Variants in CD72 observed in about 807,000 individuals in gnomAD.
CD72 encodes the protein B-cell differentiation antigen CD72.
CD72 carries 28 observed loss-of-function variants against 50.7 expected under a neutral mutation model. That is an observed-to-expected ratio of 0.55 (90% CI 0.41 to 0.76). CD72 has a LOEUF of 0.76. Among genes scored for constraint, CD72 ranks in the 30% least tolerant of loss-of-function variants. The pLI is 0.00. For missense variants in CD72, 403 were observed against 420.6 expected (o/e 0.96, Z 0.37); for synonymous variants, 176 against 171.2 (o/e 1.03, Z -0.22).
At chr9:35,618,938 C>G, upstream of CD72, 1 of 359,638 alleles carries the variant, frequency 2.8e-6, no homozygotes, top group Non-Finnish European at 5.4e-6. Flanking sequence ...AGCACTGCCC[C>G]CCATGCACCC....
Position 35,615,942 on chromosome 9 carries a change from C to CCG in CD72, c.688_688+1insCG (p.Asp230AlafsTer10). The CCG allele has an allele frequency of 6.2e-7, 1 of 1,611,446 alleles. No individual in the cohort carries two copies. The highest frequency in any genetic ancestry group is 8.5e-7 in the Non-Finnish European group (1 of 1,178,474). On this transcript the variant is annotated frameshift_variant and splice_region_variant. Coordinates refer to ENST00000259633, the MANE Select transcript of CD72 (RefSeq NM_001782.3). LOFTEE classifies it high-confidence loss of function. ...TTCTCTCCTCTCCCCAGAGCGGATA[C>CCG]CTGCTGAGCCGCATGTGAAGAAGGG... is the stretch of plus-strand genomic sequence containing the variant.
intron 1 of CD72, among the ~76,000 whole-genome samples, chr9:35,633,264 GT>G (rs112670848): frequency 0.037 from 5,036 of 135,566 alleles, 173 homozygotes; most frequent in African/African-American, 0.093. Flanking sequence ...TTTGTTTTTT[GT>G]TTTTTTTTTT....
chr9:35,626,569 A>G (rs2131778459), intron 1 of CD72, among the ~76,000 whole-genome samples: 1 of 152,348 alleles, frequency 6.6e-6, no homozygotes, highest in South Asian at 2.1e-4. Flanking sequence ...ATTGCATGCT[A>G]CAGAGAAATC....
chr9:35,626,750 A>C (rs1823199633), intron 1 of CD72, among the ~76,000 whole-genome samples: 1 of 152,242 alleles, frequency 6.6e-6, no homozygotes. Context: ...TCAGATGATC[A>C]TTAACATTTT....
intron 1 of CD72, among the ~76,000 whole-genome samples, chr9:35,644,491 G>A (rs1452571182): frequency 6.6e-6 from 1 of 150,738 alleles, no homozygotes; most frequent in African/African-American, 2.4e-5. Flanking sequence ...AATTTTAAAA[G>A]TTCTATCAAT....
intron 1 of CD72, among the ~76,000 whole-genome samples, chr9:35,633,462 T>C (rs1823264535): frequency 6.6e-6 from 1 of 152,188 alleles, no homozygotes; most frequent in Admixed American, 6.5e-5. Flanking sequence ...TGTTACGCTG[T>C]TTTCTCATTT....
chr9:35,627,496 C>T (rs1249366563), intron 1 of CD72, among the ~76,000 whole-genome samples: 5 of 152,038 alleles, frequency 3.3e-5, no homozygotes, highest in African/African-American at 1.2e-4. Flanking sequence ...TGATCTCAAA[C>T]CTGAACCCAC....
At chr9:35,623,781 T>C (rs1417339644), upstream of CD72, among the ~76,000 whole-genome samples, 1 of 152,094 alleles carries the variant, frequency 6.6e-6, no homozygotes, top group Non-Finnish European at 1.5e-5. Flanking sequence ...CTGGGCATAG[T>C]GGTACATGCG....
intron 1 of CD72, among the ~76,000 whole-genome samples, chr9:35,625,567 A>G (rs971298385): frequency 6.6e-6 from 1 of 152,272 alleles, no homozygotes; most frequent in East Asian, 1.9e-4. Context: ...AGGTGGCTAC[A>G]CTAAACAACA....
chr9:35,635,463 T>C (rs1823282052), intron 1 of CD72, among the ~76,000 whole-genome samples: 1 of 152,226 alleles, frequency 6.6e-6, no homozygotes, highest in Admixed American at 6.5e-5. Context: ...GCAATGACTG[T>C]CCTCTCCTTT....
At chr9:35,643,986 AAAACAAAC>A (rs760031923) in intron 1 of CD72, among the ~76,000 whole-genome samples, 2 of 151,894 alleles carry the variant, frequency 1.3e-5, no homozygotes, top group Admixed American at 1.3e-4. Flanking sequence ...ACTCCGTCTC[AAAACAAAC>A]AAACAAACAA....
chr9:35,629,776 T>A (rs1166927962), intron 1 of CD72, among the ~76,000 whole-genome samples: 2 of 152,236 alleles, frequency 1.3e-5, no homozygotes, highest in African/African-American at 4.8e-5. Context: ...CCCACCATGC[T>A]CTGCTGCTAC....
intron 1 of CD72, among the ~76,000 whole-genome samples, chr9:35,632,920 CTTTTTAG>C (rs1823258903): frequency 6.8e-6 from 1 of 146,718 alleles, no homozygotes; most frequent in Non-Finnish European, 1.5e-5. Flanking sequence ...TTTATTTATC[CTTTTTAG>C]TTTTTTTTTT....
chr9:35,630,406 G>GTTT (rs1235058382), intron 1 of CD72, among the ~76,000 whole-genome samples: 3 of 152,212 alleles, frequency 2.0e-5, no homozygotes, highest in Non-Finnish European at 4.4e-5. Context: ...TTAAAAAATA[G>GTTT]TTTTTTCTTT....
rs1203539207 is a variant in CD72 at position 35,615,980 on chromosome 9, C to T, written c.651G>A (p.Glu217=). 1.2e-6 allele frequency: 2 copies of T among 1,614,000 alleles called. No individual in the cohort carries two copies. Among genetic ancestry groups the T allele is most frequent in the East Asian group, 2.2e-5 (1 of 44,882 alleles). ...RALEQKLSNM[E]NRLKPFFTCG... ...ATGTGAAGAAGGGCTTCAGTCTGTT[C>T]TCCATGTTGCTCAGCTTCTGCTCCA... Residue 217 remains glutamate, a synonymous_variant, in exon 5 of 9, where the codon GAG becomes GAA. Coordinates refer to ENST00000259633, the MANE Select transcript of CD72 (RefSeq NM_001782.3).
At chr9:35,625,287 T>C (rs1218168934) in intron 1 of CD72, among the ~76,000 whole-genome samples, 1 of 152,210 alleles carries the variant, frequency 6.6e-6, no homozygotes, top group Non-Finnish European at 1.5e-5. Context: ...TGGAGAGCGT[T>C]TGAGTGGTCT....
chr9:35,622,712 G>A (rs7467765), upstream of CD72, among the ~76,000 whole-genome samples: 6,650 of 152,010 alleles, frequency 0.044, 391 homozygotes, highest in East Asian at 0.32. Context: ...GCTTAAACCC[G>A]GGAGGCAGAG....
upstream of CD72, among the ~76,000 whole-genome samples, chr9:35,623,104 C>CA (rs1823160585): frequency 6.6e-6 from 1 of 151,496 alleles, no homozygotes; most frequent in African/African-American, 2.4e-5. Context: ...AACCCTCCCT[C>CA]AAAAAATAAA....
At chr9:35,639,426 T>G (rs1433546783) in intron 1 of CD72, among the ~76,000 whole-genome samples, 1 of 151,830 alleles carries the variant, frequency 6.6e-6, no homozygotes, top group South Asian at 2.1e-4. Context: ...ACAGAGACTA[T>G]AAAAACAAAA....
Sources: allele counts gnomAD v4.1 joint callset (sites outside exome capture counted in the v4.1 genomes callset), GRCh38; gene constraint gnomAD v4.1.1; transcripts MANE v1.5; gene names NCBI Gene and HGNC (gene_info 2026-07-23, HGNC 2026-07-21).